RAB11FIP4: variants seen among roughly 807,000 people sequenced by gnomAD.
The protein encoded by RAB11FIP4 is rab11 family-interacting protein 4.
RAB11FIP4 carries 23 observed loss-of-function variants against 74.3 expected under a neutral mutation model. The ratio of observed to expected loss-of-function variants is 0.31; its 90% confidence interval spans 0.22 to 0.44. The LOEUF is 0.44. Among genes scored for constraint, RAB11FIP4 ranks in the 20% least tolerant of loss-of-function variants. RAB11FIP4 has a pLI of 1.00. For missense variants in RAB11FIP4, 630 were observed against 863.9 expected (o/e 0.73, Z 3.39); for synonymous variants, 360 against 359.9 (o/e 1.00, Z 0.00).
chr17:31,474,542 A>G (rs1265362812), intron 3 of RAB11FIP4, among the ~76,000 whole-genome samples: 2 of 151,980 alleles, frequency 1.3e-5, no homozygotes, highest in Non-Finnish European at 2.9e-5. Context: ...GTGGTGGTGC[A>G]TGCCTGTAGT....
At chr17:31,522,225 A>T in intron 6 of RAB11FIP4, 135 bp from the exon 7 acceptor site, 5 of 1,274,942 alleles carry the variant, frequency 3.9e-6, no homozygotes, top group Non-Finnish European at 5.6e-6. Flanking sequence ...TCTTCTCAGG[A>T]CCAAGCTGAC....
At chr17:31,530,525 T>C in intron 14 of RAB11FIP4, 56 bp downstream of exon 14, 1 of 1,589,890 alleles carries the variant, frequency 6.3e-7, no homozygotes, top group South Asian at 1.1e-5. Flanking sequence ...TGATTCCTTC[T>C]CCCGGCCCCC....
chr17:31,488,502 C>T lies in RAB11FIP4; in HGVS notation c.337-29149C>T, dbSNP rs143681952. The T allele has an allele frequency of 9.1e-4, 317 of 347,016 alleles. 2 individuals carry two copies. The highest frequency in any genetic ancestry group is 6.4e-3 in the African/African-American group (289 of 45,322). 21.5% of individuals were successfully genotyped at this position (347,016 alleles called of 1,614,324 possible). ...CTTTTAGTGGACTAGGAAGGGGGCTCGTCTGCTGGGGCGCCTCCCTGGGGA... is the reference window on the plus strand; with the variant it reads ...CTTTTAGTGGACTAGGAAGGGGGCTTGTCTGCTGGGGCGCCTCCCTGGGGA... On this transcript the variant is annotated intron_variant, in intron 3 of 14. Coordinates refer to ENST00000621161, the MANE Select transcript of RAB11FIP4 (RefSeq NM_032932.6).
chr17:31,488,842 GGT>G lies in RAB11FIP4; in HGVS notation c.337-28807_337-28806del, dbSNP rs544891912. ...CTTGAGGCGGCCGGTCTGGCCCGGT[GGT>G]GGGAGCTGTTGGCACAGCCGCTTCT... On this transcript the variant is annotated intron_variant, in intron 3 of 14. Coordinates refer to ENST00000621161, the MANE Select transcript of RAB11FIP4 (RefSeq NM_032932.6). Among the ~76,000 whole-genome samples the G allele has an allele frequency of 4.4e-3, 665 of 152,320 alleles. 4 individuals carry two copies. Among genetic ancestry groups the G allele is most frequent in the African/African-American group, 0.015 (618 of 41,584 alleles).
chr17:31,399,700 G>A (rs1016475967), intron 1 of RAB11FIP4, among the ~76,000 whole-genome samples: 3 of 151,840 alleles, frequency 2.0e-5, no homozygotes, highest in East Asian at 1.9e-4. Flanking sequence ...ATGACAGAGC[G>A]AGACTCAGTC....
intron 1 of RAB11FIP4, 63 bp downstream of exon 1, chr17:31,392,074 C>A: frequency 1.8e-6 from 2 of 1,134,332 alleles, no homozygotes; most frequent in Non-Finnish European, 1.1e-6. Flanking sequence ...GCCCCTCCCC[C>A]AGCTCCCCCG....
At chr17:31,482,884 G>C (rs2071863117) in intron 3 of RAB11FIP4, among the ~76,000 whole-genome samples, 1 of 152,008 alleles carries the variant, frequency 6.6e-6, no homozygotes, top group East Asian at 1.9e-4. Flanking sequence ...CACACATAGA[G>C]CCCCAGCTGG....
At chr17:31,519,172 G>A (rs373585925) in intron 4 of RAB11FIP4, among the ~76,000 whole-genome samples, 8 of 151,850 alleles carry the variant, frequency 5.3e-5, no homozygotes, top group African/African-American at 1.2e-4. Context: ...CCACCACCAC[G>A]CCTGGCTAAT....
chr17:31,520,047 G>T (rs953349597), intron 4 of RAB11FIP4, among the ~76,000 whole-genome samples: 8 of 143,540 alleles, frequency 5.6e-5, no homozygotes, highest in South Asian at 4.4e-4. Context: ...GAAGGCAGAG[G>T]TTGCACCAAT....
intron 1 of RAB11FIP4, 68 bp downstream of exon 1, chr17:31,392,079 C>G: frequency 2.7e-6 from 3 of 1,119,208 alleles, no homozygotes; most frequent in Non-Finnish European, 3.3e-6. Context: ...TCCCCCAGCT[C>G]CCCCGCCGGG....
Position 31,422,036 on chromosome 17 carries a change from G to A in RAB11FIP4, c.160-9777G>A, listed in dbSNP as rs189522366. Among the ~76,000 whole-genome samples the A allele has an allele frequency of 1.2e-3, 176 of 152,178 alleles. 1 individual carries two copies. Among genetic ancestry groups the A allele is most frequent in the Non-Finnish European group, 1.9e-3 (129 of 68,020 alleles). On this transcript the variant is annotated intron_variant, in intron 1 of 14. Coordinates refer to ENST00000621161, the MANE Select transcript of RAB11FIP4 (RefSeq NM_032932.6). ...GTCTCTACAAGAAAATTAGCTGGGC[G>A]TGTTGACATATCCCTGTAGTCCCAG...
In RAB11FIP4 at chr17:31,431,726, C is replaced by T; in HGVS notation, c.160-87C>T. The T allele has an allele frequency of 5.6e-6, 3 of 534,834 alleles. 1 individual carries two copies. The highest frequency in any genetic ancestry group is 3.8e-6 in the Non-Finnish European group (1 of 265,918). 33.1% of individuals were successfully genotyped at this position (534,834 alleles called of 1,614,324 possible). Reference sequence around the variant, plus strand: ...ACTGGGCGGGGACACTGGTGTCCCTCCCTCCCTCCCAGCCTCCCCACCCAG... The same window carrying T: ...ACTGGGCGGGGACACTGGTGTCCCTTCCTCCCTCCCAGCCTCCCCACCCAG... On this transcript the variant is annotated intron_variant, in intron 1 of 14. Transcript: ENST00000621161.
intron 1 of RAB11FIP4, among the ~76,000 whole-genome samples, chr17:31,419,891 A>G (rs950487400): frequency 5.3e-5 from 8 of 152,148 alleles, no homozygotes; most frequent in Non-Finnish European, 1.0e-4. Flanking sequence ...GGTTTGGGTA[A>G]CAGGGTATTA....
intron 3 of RAB11FIP4, among the ~76,000 whole-genome samples, chr17:31,474,121 C>T (rs2071766586): frequency 6.6e-6 from 1 of 152,232 alleles, no homozygotes; most frequent in African/African-American, 2.4e-5. Flanking sequence ...TCTGCCCATC[C>T]TGCATCCCTT....
chr17:31,464,656 G>A (rs1249177686), intron 3 of RAB11FIP4, among the ~76,000 whole-genome samples: 2 of 150,558 alleles, frequency 1.3e-5, no homozygotes, highest in African/African-American at 4.9e-5. Flanking sequence ...TCACCATGTT[G>A]GTCAGGCTGG....
chr17:31,414,591 C>T lies in RAB11FIP4; in HGVS notation c.160-17222C>T, dbSNP rs1169423862. ...ACACTCAGATGGATGGAGGTGTTGG[C>T]GGTCCCATAAAGGAAGATGTCTCCA... On this transcript the variant is annotated intron_variant, in intron 1 of 14. Coordinates refer to ENST00000621161, the MANE Select transcript of RAB11FIP4 (RefSeq NM_032932.6). 4.6e-5 allele frequency among the ~76,000 whole-genome samples: 7 copies of T among 152,308 alleles called. No homozygotes were observed. The East Asian group carries it at 9.7e-4, about 21-fold the overall frequency.
chr17:31,435,015 G>A (rs945056065), intron 3 of RAB11FIP4, among the ~76,000 whole-genome samples: 4 of 151,884 alleles, frequency 2.6e-5, no homozygotes, highest in East Asian at 1.9e-4. Flanking sequence ...ATGAGACCCC[G>A]TCTCTACATA....
intron 3 of RAB11FIP4, among the ~76,000 whole-genome samples, chr17:31,442,556 C>T (rs1350164004): frequency 1.3e-5 from 2 of 152,204 alleles, no homozygotes; most frequent in African/African-American, 4.8e-5. Flanking sequence ...TGAAAAGCTG[C>T]CACAGAGGCC....
rs556381805 is a variant in RAB11FIP4, at chr17:31,499,374, T to C, written c.337-18277T>C. ...TTCTTCCTTTCTTTCTTCTTTTTTT[T>C]TAGATAGAGTTTCACTCTGTCGCCA... is the stretch of plus-strand genomic sequence containing the variant. On this transcript the variant is annotated intron_variant, in intron 3 of 14. Coordinates refer to ENST00000621161, the MANE Select transcript of RAB11FIP4 (RefSeq NM_032932.6). Among the ~76,000 whole-genome samples, 14 of 152,258 alleles carry C rather than the reference T, an allele frequency of 9.2e-5. No individual in the cohort carries two copies. The South Asian group carries it at 2.9e-3, about 32-fold the overall frequency.
Sources: gnomAD v4.1 joint callset for allele counts (sites outside exome capture counted in the v4.1 genomes callset) on GRCh38, gnomAD v4.1.1 for gene constraint, MANE v1.5 for transcripts, NCBI Gene and HGNC (gene_info 2026-07-23, HGNC 2026-07-21) for gene names.